VSNL1: variants seen among roughly 807,000 people sequenced by gnomAD.
VSNL1 encodes the protein visinin like 1.
In VSNL1, 6 loss-of-function variants were observed where a neutral mutation model predicts 20.4. That is an observed-to-expected ratio of 0.29 (90% CI 0.16 to 0.58). VSNL1 has a LOEUF of 0.58. Ranked by LOEUF, VSNL1 falls within the 20% of genes least tolerant of loss-of-function variation. The pLI, the probability that VSNL1 is intolerant of heterozygous loss-of-function variation, is 0.90. For synonymous variants in VSNL1, 93 were observed against 86.4 expected (o/e 1.08, Z -0.42); for missense variants, 100 against 234.5 (o/e 0.43, Z 3.75).
chr2:17,609,224 G>A (rs907305333), intron 2 of VSNL1, among the ~76,000 whole-genome samples: 3 of 152,058 alleles, frequency 2.0e-5, no homozygotes. Context: ...ACCTTACCTG[G>A]CTCACCACAG....
At chr2:17,654,502 C>T (rs1318131745) in intron 3 of VSNL1, among the ~76,000 whole-genome samples, 1 of 152,140 alleles carries the variant, frequency 6.6e-6, no homozygotes, top group Non-Finnish European at 1.5e-5. Flanking sequence ...CACCTAGATG[C>T]AGAATGTTTA....
intron 1 of VSNL1, among the ~76,000 whole-genome samples, chr2:17,571,378 C>T (rs888991158): frequency 2.6e-5 from 4 of 152,110 alleles, no homozygotes; most frequent in Admixed American, 1.3e-4. Flanking sequence ...ATTAAGAACC[C>T]TACCTAGTGA....
chr2:17,629,608 C>T (rs1349068942), intron 2 of VSNL1, among the ~76,000 whole-genome samples: 2 of 152,226 alleles, frequency 1.3e-5, no homozygotes. Context: ...TTCTCAGCCA[C>T]TTTGCCAACC....
chr2:17,617,954 G>C (rs1039918552), intron 2 of VSNL1, among the ~76,000 whole-genome samples: 2 of 151,970 alleles, frequency 1.3e-5, no homozygotes, highest in Non-Finnish European at 2.9e-5. Context: ...GGGAAGAATA[G>C]GTGTGGTTTC....
At chr2:17,602,091 C>A (rs966161207) in intron 2 of VSNL1, among the ~76,000 whole-genome samples, 1 of 152,244 alleles carries the variant, frequency 6.6e-6, no homozygotes, top group African/African-American at 2.4e-5. Context: ...GATTTGGGAT[C>A]TGGCTATCAC....
intron 1 of VSNL1, among the ~76,000 whole-genome samples, chr2:17,585,994 A>G (rs1404243708): frequency 1.3e-5 from 2 of 151,954 alleles, no homozygotes; most frequent in South Asian, 2.1e-4. Context: ...TTTTCAGTAG[A>G]GACAGGGTTT....
At chr2:17,591,435 A>G (rs902670800) in intron 1 of VSNL1, among the ~76,000 whole-genome samples, 1 of 152,244 alleles carries the variant, frequency 6.6e-6, no homozygotes, top group Non-Finnish European at 1.5e-5. Flanking sequence ...AATCCCTAGA[A>G]GAAAACCATT....
At chr2:17,631,609 T>A (rs1441458324) in intron 2 of VSNL1, among the ~76,000 whole-genome samples, 1 of 152,336 alleles carries the variant, frequency 6.6e-6, no homozygotes, top group East Asian at 1.9e-4. Context: ...TAAAACACTT[T>A]AAGGTATTAA....
intron 2 of VSNL1, among the ~76,000 whole-genome samples, chr2:17,642,727 GTCTGTGTAAA>G (rs1340152952): frequency 1.3e-5 from 2 of 152,212 alleles, no homozygotes; most frequent in Non-Finnish European, 2.9e-5. Context: ...TTCTGGGGCA[GTCTGTGTAAA>G]CAGAGAGATC....
chr2:17,608,119 T>C (rs180771170), intron 2 of VSNL1, among the ~76,000 whole-genome samples: 26 of 152,340 alleles, frequency 1.7e-4, no homozygotes, highest in Admixed American at 1.2e-3. Flanking sequence ...GACTTGAAAT[T>C]AGGCTGCTTA....
At position 17,584,258 on chromosome 2, in the gene VSNL1, A is replaced by G. The variant is rs16983671; in HGVS notation, c.-5-7812A>G. 1.7e-3 allele frequency among the ~76,000 whole-genome samples: 262 copies of G among 152,286 alleles called. 1 individual carries two copies. Among genetic ancestry groups the G allele is most frequent in the Admixed American group, 0.016 (249 of 15,304 alleles). On this transcript the variant is annotated intron_variant, in intron 1 of 3. Coordinates refer to ENST00000295156, the MANE Select transcript of VSNL1 (RefSeq NM_003385.5). The stretch of plus-strand genomic sequence containing the variant: ...GAAGGAAACCCACAAAAAGGGATAC[A>G]AGGGAAACTGAGTCTGAGTAGAAAC...
chr2:17,640,659 T>A (rs577054521), intron 2 of VSNL1, among the ~76,000 whole-genome samples: 102 of 152,380 alleles, frequency 6.7e-4, no homozygotes, highest in African/African-American at 2.3e-3. Context: ...CCTGAACTTG[T>A]TCATTTCTGA....
chr2:17,560,843 G>A (rs115843742), intron 1 of VSNL1, among the ~76,000 whole-genome samples: 1,652 of 152,274 alleles, frequency 0.011, 23 homozygotes, highest in African/African-American at 0.038. Context: ...TGTATCCTCT[G>A]TACCATAATG....
rs375377514 is a variant in VSNL1, at chr2:17,550,914, T to A, written c.-6+9996T>A. The stretch of plus-strand genomic sequence containing the variant: ...CACATCTGAACACATAATCACTGTA[T>A]ACATGCCAACTCTCGCATAAAACTG... On this transcript the variant is annotated intron_variant, in intron 1 of 3. Coordinates refer to ENST00000295156, the MANE Select transcript of VSNL1 (RefSeq NM_003385.5). 1.2e-4 allele frequency among the ~76,000 whole-genome samples: 18 copies of A among 152,208 alleles called. No individual in the cohort carries two copies. The East Asian group carries it at 1.3e-3, about 11-fold the overall frequency.
chr2:17,611,152 A>G (rs1366112080), intron 2 of VSNL1, among the ~76,000 whole-genome samples: 2 of 152,200 alleles, frequency 1.3e-5, no homozygotes, highest in African/African-American at 4.8e-5. Flanking sequence ...TATGCTATAC[A>G]TGTTCTCTGT....
intron 2 of VSNL1, among the ~76,000 whole-genome samples, chr2:17,609,181 G>A (rs778265206): frequency 2.6e-5 from 4 of 152,048 alleles, no homozygotes; most frequent in East Asian, 3.9e-4. Context: ...TTCTCTTTTC[G>A]TGCTCCTTCC....
chr2:17,563,825 C>T (rs1663873322), intron 1 of VSNL1, among the ~76,000 whole-genome samples: 1 of 152,070 alleles, frequency 6.6e-6, no homozygotes, highest in Admixed American at 6.6e-5. Flanking sequence ...AATTATCATC[C>T]TAATATTCAA....
intron 2 of VSNL1, among the ~76,000 whole-genome samples, chr2:17,594,266 G>T (rs556934070): frequency 7.9e-5 from 12 of 152,136 alleles, no homozygotes; most frequent in African/African-American, 2.9e-4. Flanking sequence ...GGGAATATAT[G>T]ACTTTCTGAA....
At chr2:17,577,356 G>T (rs1428275799) in intron 1 of VSNL1, among the ~76,000 whole-genome samples, 1 of 152,038 alleles carries the variant, frequency 6.6e-6, no homozygotes, top group Non-Finnish European at 1.5e-5. Context: ...CATATGGTAT[G>T]GTTCTTACTT....
Sources: allele counts gnomAD v4.1 joint callset (sites outside exome capture counted in the v4.1 genomes callset), GRCh38; gene constraint gnomAD v4.1.1; transcripts MANE v1.5; gene names NCBI Gene and HGNC (gene_info 2026-07-23, HGNC 2026-07-21).